NRIP1: variants seen among roughly 807,000 people sequenced by gnomAD.
NRIP1 encodes the protein nuclear receptor interacting protein 1.
NRIP1 carries 28 observed loss-of-function variants against 75.0 expected under a neutral mutation model. The ratio of observed to expected loss-of-function variants is 0.37; its 90% CI spans 0.28 to 0.51. The LOEUF is 0.51. NRIP1 is among the 20% of genes least tolerant of loss of function. The probability of loss-of-function intolerance (pLI) is 0.92; values close to 1 mark genes in which losing one functional copy is unlikely to be tolerated. For missense variants in NRIP1, 1,435 were observed against 1,343.7 expected (o/e 1.07, Z -1.06); for synonymous variants, 526 against 487.6 (o/e 1.08, Z -1.04).
In NRIP1 at chr21:14,967,406, A is replaced by C; in HGVS notation, c.787T>G (p.Cys263Gly). The C allele has an allele frequency of 1.2e-6, 2 of 1,614,134 alleles. No individual in the cohort carries two copies. Among genetic ancestry groups the C allele is most frequent in the South Asian group, 2.2e-5 (2 of 91,084 alleles). Residue 263 changes from cysteine to glycine, a missense_variant, in exon 4 of 4, where the codon TGT becomes GGT. Transcript: ENST00000318948. ...PATSPKPSVA[C>G]SQLALLLSSE... ...GACAGAAGTAATGCTAACTGGCTACAAGCAACACTAGGTTTAGGTGAGGTG... is the reference window on the plus strand; with the variant it reads ...GACAGAAGTAATGCTAACTGGCTACCAGCAACACTAGGTTTAGGTGAGGTG...
intron 3 of NRIP1, among the ~76,000 whole-genome samples, chr21:14,984,773 C>A (rs1347776719): frequency 6.6e-6 from 1 of 152,206 alleles, no homozygotes. Flanking sequence ...GAGACCCCAA[C>A]CTTCAGCAAC....
intron 3 of NRIP1, among the ~76,000 whole-genome samples, chr21:15,003,960 A>G (rs1241094600): frequency 2.6e-5 from 4 of 152,194 alleles, no homozygotes; most frequent in Non-Finnish European, 5.9e-5. Context: ...GATGCAATGA[A>G]TCACACTAAC....
intron 2 of NRIP1, among the ~76,000 whole-genome samples, chr21:15,033,260 C>T (rs912978631): frequency 6.6e-6 from 1 of 151,684 alleles, no homozygotes; most frequent in Non-Finnish European, 1.5e-5. Flanking sequence ...ATACTATGTG[C>T]CAGGACTACG....
At position 14,962,042 on chromosome 21, in the gene NRIP1, T is replaced by TAA. The variant is rs1491062980; in HGVS notation, c.*2672_*2673dup. ...ATATATATATATATATATATATATA[T>TAA]AAAATATATACTCTCACCAGTTTAC... On this transcript the variant is annotated 3_prime_UTR_variant, in exon 4 of 4. Coordinates refer to ENST00000318948, the MANE Select transcript of NRIP1 (RefSeq NM_003489.4). The TAA allele has an allele frequency of 1.5e-5, 2 of 130,442 alleles. No homozygotes were observed. The highest frequency in any genetic ancestry group is 3.3e-5 in the Non-Finnish European group (2 of 61,186). The allele number at this position is 130,442 out of a possible 1,614,324, so 8.1% of individuals were successfully genotyped here.
chr21:14,988,887 A>T lies in NRIP1; in HGVS notation c.-334-20361T>A, dbSNP rs556577042. Reference sequence around the variant, plus strand: ...AGGAGTCAGTATTCTGAGAGAAAAGATTGAAGTAAGCACACAGAGAGAAGC... The same window carrying T: ...AGGAGTCAGTATTCTGAGAGAAAAGTTTGAAGTAAGCACACAGAGAGAAGC... On this transcript the variant is annotated intron_variant, in intron 3 of 3. Transcript: ENST00000318948. Among the ~76,000 whole-genome samples the T allele has an allele frequency of 9.2e-5, 14 of 152,222 alleles. No homozygotes were observed. The South Asian group carries it at 2.9e-3, about 32-fold the overall frequency.
chr21:14,986,383 G>A lies in NRIP1; in HGVS notation c.-334-17857C>T, dbSNP rs1489310017. 6.6e-5 allele frequency among the ~76,000 whole-genome samples: 10 copies of A among 152,146 alleles called. 1 individual carries two copies. Among genetic ancestry groups the A allele is most frequent in the South Asian group, 2.1e-4 (1 of 4,830 alleles). On this transcript the variant is annotated intron_variant, in intron 3 of 3. Transcript: ENST00000318948. ...TGAATACTGATGCAAGACGACTCAC[G>A]TGTCATTGCCACGGCTTTCAACTTT...
chr21:15,007,872 CAT>C (rs2088009692), intron 3 of NRIP1, among the ~76,000 whole-genome samples: 1 of 152,186 alleles, frequency 6.6e-6, no homozygotes, highest in South Asian at 2.1e-4. Flanking sequence ...GATGATCACT[CAT>C]AATGATATCA....
chr21:15,000,197 T>C (rs2087819612), intron 3 of NRIP1, among the ~76,000 whole-genome samples: 2 of 152,164 alleles, frequency 1.3e-5, no homozygotes. Context: ...GTTTCTTCAA[T>C]ACCTAGAGTA....
chr21:14,975,079 C>G (rs1329405812), intron 3 of NRIP1, among the ~76,000 whole-genome samples: 1 of 151,498 alleles, frequency 6.6e-6, no homozygotes, highest in Non-Finnish European at 1.5e-5. Flanking sequence ...CACCTGTGCA[C>G]TTTAGCCTGG....
Position 15,005,904 on chromosome 21 carries a change from T to A in NRIP1, c.-335+8440A>T, listed in dbSNP as rs551326851. 1.4e-3 allele frequency among the ~76,000 whole-genome samples: 208 copies of A among 152,350 alleles called. 1 individual carries two copies. Among genetic ancestry groups the A allele is most frequent in the African/African-American group, 4.7e-3 (197 of 41,580 alleles). ...AATTCAGGTCGAATTCTTTCTTGAC[T>A]ATATTTCAGTGTAGTGAATGTAAAA... On this transcript the variant is annotated intron_variant, in intron 3 of 3. Coordinates refer to ENST00000318948, the MANE Select transcript of NRIP1 (RefSeq NM_003489.4).
intron 2 of NRIP1, among the ~76,000 whole-genome samples, chr21:15,028,796 C>T (rs2088580197): frequency 6.6e-6 from 1 of 151,812 alleles, no homozygotes; most frequent in Admixed American, 6.6e-5. Context: ...AAGTCATTTC[C>T]TATTATTAAT....
At chr21:15,012,447 CTTTTTTTT>C (rs869160226) in intron 3 of NRIP1, among the ~76,000 whole-genome samples, 3 of 79,366 alleles carry the variant, frequency 3.8e-5, no homozygotes, top group African/African-American at 5.1e-5. Flanking sequence ...ATTATAATGT[CTTTTTTTT>C]TTTTTTTTTT....
At chr21:14,995,757 C>CTG (rs879620237) in intron 3 of NRIP1, among the ~76,000 whole-genome samples, 14 of 148,256 alleles carry the variant, frequency 9.4e-5, no homozygotes, top group Admixed American at 2.7e-4. Context: ...ACTGGTTTAG[C>CTG]TGTGTGTGCG....
intron 2 of NRIP1, among the ~76,000 whole-genome samples, chr21:15,042,568 A>C (rs1478973881): frequency 6.6e-6 from 1 of 152,232 alleles, no homozygotes; most frequent in Non-Finnish European, 1.5e-5. Flanking sequence ...TGATTAGATC[A>C]TGAGGGCAAT....
chr21:15,035,933 G>A (rs1042161545), intron 2 of NRIP1, among the ~76,000 whole-genome samples: 1 of 152,096 alleles, frequency 6.6e-6, no homozygotes, highest in East Asian at 1.9e-4. Flanking sequence ...TAATGTTAAC[G>A]ATTTCTTATT....
rs1204319626 is a variant in NRIP1, at chr21:15,064,756, G to C, written c.-549C>G. On this transcript the variant is annotated 5_prime_UTR_variant, in exon 1 of 4. Coordinates refer to ENST00000318948, the MANE Select transcript of NRIP1 (RefSeq NM_003489.4). ...CGGCCGTCACTCACCCCAGGCCGCC[G>C]CGGCTCCCAGCCTCCGGCTCCGTCA... 1 of 148,906 alleles carries C rather than the reference G, an allele frequency of 6.7e-6. No homozygotes were observed. The highest frequency in any genetic ancestry group is 1.5e-5 in the Non-Finnish European group (1 of 66,806). 9.2% of individuals were successfully genotyped at this position (148,906 alleles called of 1,614,324 possible). A position where few individuals can be genotyped will look rare whatever the true frequency, so the allele number is the denominator to read the frequency against.
chr21:14,965,047 G>C lies in NRIP1; in HGVS notation c.3146C>G (p.Ala1049Gly). The change falls in exon 4 of 4, where the codon GCG (alanine) becomes GGG (glycine). Residue 1049 changes from alanine to glycine, a missense_variant. Coordinates refer to ENST00000318948, the MANE Select transcript of NRIP1 (RefSeq NM_003489.4). ...GTCTTTTTCATACTCATTCTTCTCC[G>C]CATCAGTGATAACCCACTTAATGGG... The part of the protein sequence containing the change: ...KGPIKWVITD[A>G]EKNEYEKDSP... The C allele has an allele frequency of 6.2e-7, 1 of 1,613,724 alleles. No homozygotes were observed. Among genetic ancestry groups the C allele is most frequent in the East Asian group, 2.2e-5 (1 of 44,866 alleles).
In NRIP1 at chr21:14,961,800, AAC is replaced by A. The variant is rs1372748770; in HGVS notation, c.*2914_*2915del. 1 of 152,260 alleles carries A rather than the reference AAC, an allele frequency of 6.6e-6. No homozygotes were observed. The highest frequency in any genetic ancestry group is 1.5e-5 in the Non-Finnish European group (1 of 67,830). The allele number at this position is 152,260 out of a possible 1,614,324, so 9.4% of individuals were successfully genotyped here. On this transcript the variant is annotated 3_prime_UTR_variant, in exon 4 of 4. Coordinates refer to ENST00000318948, the MANE Select transcript of NRIP1 (RefSeq NM_003489.4). The stretch of plus-strand genomic sequence containing the variant: ...ATTCTATACATTTGTCCAGACTTGC[AAC>A]TGTATACATACATGCACAACTTTTA...
chr21:14,990,455 G>A (rs1600840734), intron 3 of NRIP1, among the ~76,000 whole-genome samples: 1 of 152,182 alleles, frequency 6.6e-6, no homozygotes, highest in Non-Finnish European at 1.5e-5. Flanking sequence ...TAGATGATGA[G>A]CCTTGAGCAA....
Sources: gnomAD v4.1 joint callset for allele counts (sites outside exome capture counted in the v4.1 genomes callset) on GRCh38, gnomAD v4.1.1 for gene constraint, MANE v1.5 for transcripts, NCBI Gene and HGNC (gene_info 2026-07-23, HGNC 2026-07-21) for gene names.